The following AP2A2 variants were observed in gnomAD, a reference collection of about 807,000 sequenced individuals.
AP2A2 encodes adaptor related protein complex 2 subunit alpha 2, also known as AP-2 complex subunit alpha-2.
A neutral mutation model predicts 104.2 loss-of-function variants in AP2A2; 32 were observed. The ratio of observed to expected loss-of-function variants is 0.31; its 90% CI spans 0.23 to 0.41. The LOEUF is 0.41. Ranked by LOEUF, AP2A2 falls within the 10% of genes least tolerant of loss-of-function variation. AP2A2 has a pLI of 1.00. For missense variants in AP2A2, 912 were observed against 1,261.0 expected, an observed-to-expected ratio of 0.72 and a Z score of 4.19; for synonymous variants, 539 against 533.3, an observed-to-expected ratio of 1.01 and a Z score of -0.15.
intron 9 of AP2A2, 25 bp from the exon 10 acceptor site, chr11:988,526 CT>C: frequency 6.2e-7 from 1 of 1,605,872 alleles, no homozygotes; most frequent in Non-Finnish European, 8.5e-7. Flanking sequence ...CTCCTGCGAC[CT>C]CTTACTCTGT....
intron 1 of AP2A2, among the ~76,000 whole-genome samples, chr11:937,856 G>A (rs1421704000): frequency 1.3e-5 from 2 of 152,164 alleles, no homozygotes; most frequent in African/African-American, 4.8e-5. Flanking sequence ...TTACAGATAA[G>A]GAAACTGTGG....
intron 4 of AP2A2, among the ~76,000 whole-genome samples, chr11:975,459 G>A (rs946077938): frequency 6.7e-6 from 1 of 148,718 alleles, no homozygotes; most frequent in African/African-American, 2.5e-5. Context: ...TGGGGTCCTC[G>A]GTCTCCCTCG....
chr11:984,025 C>T (rs1015581279), intron 6 of AP2A2, among the ~76,000 whole-genome samples: 2 of 152,174 alleles, frequency 1.3e-5, no homozygotes, highest in Non-Finnish European at 2.9e-5. Flanking sequence ...CTAAAAGTGT[C>T]ACATGTGAGC....
At chr11:939,951 CT>C (rs145184268) in intron 1 of AP2A2, among the ~76,000 whole-genome samples, 214 of 106,040 alleles carry the variant, frequency 2.0e-3, no homozygotes, top group Middle Eastern at 0.014. Context: ...GTTTTGCTTA[CT>C]TTTTTTTTTT....
chr11:945,361 A>G (rs536670790), intron 1 of AP2A2, among the ~76,000 whole-genome samples: 6 of 151,926 alleles, frequency 3.9e-5, no homozygotes, highest in Non-Finnish European at 8.8e-5. Flanking sequence ...TTGAGATGGA[A>G]TCTCTCTCGT....
At position 997,878 on chromosome 11, in the gene AP2A2, C is replaced by G. The variant is rs146465857; in HGVS notation, c.1957-2554C>G. Among the ~76,000 whole-genome samples, 226 of 152,290 alleles carry G rather than the reference C, an allele frequency of 1.5e-3. 1 individual carries two copies. The highest frequency in any genetic ancestry group is 2.2e-3 in the Non-Finnish European group (148 of 68,020). On this transcript the variant is annotated intron_variant, in intron 14 of 21. Coordinates refer to ENST00000448903, the MANE Select transcript of AP2A2 (RefSeq NM_012305.4). Reference sequence around the variant, plus strand: ...TGAGATTGCACCACTGCACTCCAGCCTGGGTAACAGAGTGAGACTCGGTCT... The same window carrying G: ...TGAGATTGCACCACTGCACTCCAGCGTGGGTAACAGAGTGAGACTCGGTCT...
In AP2A2 at chr11:1,006,535, G is replaced by T. The variant is rs1183725860; in HGVS notation, c.2214G>T (p.Met738Ile). The change falls in exon 17 of 22, where the codon ATG (methionine) becomes ATT (isoleucine). Residue 738 changes from methionine to isoleucine, a missense_variant. Met to Ile is a conservative substitution (Grantham distance 10, BLOSUM62 1). Transcript: ENST00000448903. ...TGTTTTTGTTCCTTCTAGGTCGGAT[G>T]TTTATCTTTTATGGTAATAAGACCT... ...KSEFRQNLGR[M>I]FIFYGNKTST... The T allele has an allele frequency of 6.2e-7, 1 of 1,612,898 alleles. No individual in the cohort carries two copies. The highest frequency in any genetic ancestry group is 2.2e-5 in the East Asian group (1 of 44,868).
chr11:946,286 C>T (rs995798891), intron 1 of AP2A2, among the ~76,000 whole-genome samples: 1 of 152,206 alleles, frequency 6.6e-6, no homozygotes, highest in Admixed American at 6.5e-5. Flanking sequence ...AGCCAGCAGC[C>T]TAGCAGCTAC....
chr11:949,030 C>T (rs10902240), intron 1 of AP2A2, among the ~76,000 whole-genome samples: 76,840 of 151,490 alleles, frequency 0.51, 20,050 homozygotes, highest in Middle Eastern at 0.67. Flanking sequence ...TGGCTCATGC[C>T]TGTAATCCCA....
chr11:1,000,385 CAG>C, intron 14 of AP2A2, 45 bp from the exon 15 acceptor site: 2 of 1,536,972 alleles, frequency 1.3e-6, no homozygotes, highest in Non-Finnish European at 1.7e-6. Flanking sequence ...TGGGGTTGGC[CAG>C]GCCAGGGAGG....
chr11:982,808 C>T lies in AP2A2; in HGVS notation c.705+1509C>T, dbSNP rs377146156. Among the ~76,000 whole-genome samples, 192 of 150,690 alleles carry T rather than the reference C, an allele frequency of 1.3e-3. 3 individuals are homozygous for T. Among genetic ancestry groups the T allele is most frequent in the African/African-American group, 4.3e-3 (177 of 40,966 alleles). On this transcript the variant is annotated intron_variant, in intron 6 of 21. Transcript: ENST00000448903. Reference sequence around the variant, plus strand: ...TGGGATTAACAGGCGCCCGCCAGCACGCCTGGCTAATTTTGTATTTTTAGT... The same window carrying T: ...TGGGATTAACAGGCGCCCGCCAGCATGCCTGGCTAATTTTGTATTTTTAGT...
Position 986,933 on chromosome 11 carries a change from A to T in AP2A2, c.1111A>T (p.Thr371Ser). 1.9e-6 allele frequency: 3 copies of T among 1,590,040 alleles called. No homozygotes were observed. The highest frequency in any genetic ancestry group is 2.6e-6 in the Non-Finnish European group (3 of 1,168,816). Residue 371 changes from threonine (T) to serine (S), a missense_variant, in exon 9 of 22, where the codon ACG becomes TCG. Coordinates refer to ENST00000448903, the MANE Select transcript of AP2A2 (RefSeq NM_012305.4). ...SHEAVKTHIE[T>S]VINALKTERD... Reference sequence around the variant, plus strand: ...TGAGGCTGTCAAGACGCACATCGAGACGGTCATCAACGCCCTGAAGGCGAG... The same window carrying T: ...TGAGGCTGTCAAGACGCACATCGAGTCGGTCATCAACGCCCTGAAGGCGAG...
chr11:978,121 G>A (rs1051766962), intron 5 of AP2A2, among the ~76,000 whole-genome samples: 1 of 152,168 alleles, frequency 6.6e-6, no homozygotes, highest in African/African-American at 2.4e-5. Flanking sequence ...GGTCTTGGGC[G>A]TCAGAGAGTG....
At chr11:926,120 C>T in intron 1 of AP2A2, 32 bp downstream of exon 1, 1 of 1,226,856 alleles carries the variant, frequency 8.2e-7, no homozygotes, top group Non-Finnish European at 1.0e-6. Context: ...GGGCCGGGGC[C>T]GGGGCCGCCG....
At chr11:1,004,997 G>A (rs929615854) in intron 16 of AP2A2, among the ~76,000 whole-genome samples, 1 of 152,150 alleles carries the variant, frequency 6.6e-6, no homozygotes, top group African/African-American at 2.4e-5. Context: ...AGACCCCAGA[G>A]AATTGAAAGC....
chr11:927,508 G>GT (rs373952551), intron 1 of AP2A2, among the ~76,000 whole-genome samples: 9,737 of 134,704 alleles, frequency 0.072, 389 homozygotes, highest in South Asian at 0.12. Context: ...CCTGTACTCT[G>GT]TTAAAAAAAA....
intron 2 of AP2A2, among the ~76,000 whole-genome samples, chr11:964,339 C>T (rs1005867305): frequency 1.3e-5 from 2 of 152,248 alleles, no homozygotes; most frequent in African/African-American, 4.8e-5. Context: ...GTGGGTCTGA[C>T]TGCAGCTTCA....
At chr11:930,766 G>C (rs879797683) in intron 1 of AP2A2, among the ~76,000 whole-genome samples, 3 of 152,050 alleles carry the variant, frequency 2.0e-5, no homozygotes, top group Non-Finnish European at 4.4e-5. Flanking sequence ...GTGATCCACC[G>C]GCCTCGGCCT....
intron 1 of AP2A2, among the ~76,000 whole-genome samples, chr11:945,726 G>T (rs1001988068): frequency 6.6e-6 from 1 of 152,156 alleles, no homozygotes; most frequent in Non-Finnish European, 1.5e-5. Flanking sequence ...CAAAACTGGA[G>T]GATCTCTTGA....
Sources: allele counts gnomAD v4.1 joint callset (sites outside exome capture counted in the v4.1 genomes callset), GRCh38; gene constraint gnomAD v4.1.1; transcripts MANE v1.5; gene names NCBI Gene and HGNC (gene_info 2026-07-23, HGNC 2026-07-21).